Variants in TAMM41 observed in about 807,000 individuals in gnomAD.
TAMM41 encodes phosphatidate cytidylyltransferase, mitochondrial.
A neutral mutation model predicts 44.1 loss-of-function variants in TAMM41; 36 were observed. The observed-to-expected ratio is 0.82, with a 90% CI of 0.63 to 1.08. The LOEUF (loss-of-function observed/expected upper bound fraction) is 1.08. TAMM41 is among the 50% of genes least tolerant of loss of function. The probability of loss-of-function intolerance (pLI) is 0.00; values close to 1 mark genes in which losing one functional copy is unlikely to be tolerated. For missense variants in TAMM41, 417 were observed against 404.3 expected, an observed-to-expected ratio of 1.03 and a Z score of -0.27; for synonymous variants, 164 against 153.1, an observed-to-expected ratio of 1.07 and a Z score of -0.53.
chr3:11,734,583 C>G, the TAMM41 span, among the ~76,000 whole-genome samples: 1 of 152,124 alleles, frequency 6.6e-6, no homozygotes, highest in African/African-American at 2.4e-5. Flanking sequence ...CTCTTACTCA[C>G]TAAATGATAG....
intron 4 of TAMM41, among the ~76,000 whole-genome samples, chr3:11,824,797 G>A (rs762314803): frequency 1.1e-4 from 16 of 152,166 alleles, no homozygotes; most frequent in Non-Finnish European, 1.9e-4. Flanking sequence ...CCTCAGTGGT[G>A]GAACAAAGAC....
intron 4 of TAMM41, among the ~76,000 whole-genome samples, chr3:11,822,548 G>C (rs2078564465): frequency 6.6e-6 from 1 of 152,176 alleles, no homozygotes; most frequent in African/African-American, 2.4e-5. Flanking sequence ...AAAGTACCAG[G>C]AGCTGTGCTA....
chr3:11,781,736 A>AAATAATAATAATAAT, the TAMM41 span, among the ~76,000 whole-genome samples: 13 of 123,076 alleles, frequency 1.1e-4, no homozygotes, highest in South Asian at 3.0e-4. Flanking sequence ...CTCCATCTCA[A>AAATAATAATAATAAT]AATAATAATA....
chr3:11,785,052 T>G, the TAMM41 span, among the ~76,000 whole-genome samples: 1 of 152,124 alleles, frequency 6.6e-6, no homozygotes, highest in East Asian at 1.9e-4. Context: ...TATGGAAATT[T>G]ACATATGATT....
At chr3:11,845,351 C>A (rs1445841805) in intron 1 of TAMM41, among the ~76,000 whole-genome samples, 2 of 152,058 alleles carry the variant, frequency 1.3e-5, no homozygotes, top group African/African-American at 4.8e-5. Flanking sequence ...TGTAAGGAAT[C>A]AAAAGTGAGG....
chr3:11,732,459 C>T, the TAMM41 span, among the ~76,000 whole-genome samples: 33 of 152,146 alleles, frequency 2.2e-4, no homozygotes, highest in Middle Eastern at 3.4e-3. Flanking sequence ...TCCTCTAACA[C>T]GGAGGTGTTG....
At chr3:11,795,327 G>A (rs2077578823) in intron 7 of TAMM41, among the ~76,000 whole-genome samples, 1 of 152,288 alleles carries the variant, frequency 6.6e-6, no homozygotes, top group Non-Finnish European at 1.5e-5. Flanking sequence ...CTCAGGGAAT[G>A]AATGGCTCTA....
chr3:11,831,495 A>G (rs1251688484), intron 3 of TAMM41, among the ~76,000 whole-genome samples: 2 of 152,292 alleles, frequency 1.3e-5, no homozygotes, highest in South Asian at 2.1e-4. Context: ...TATGTCTAAA[A>G]TATATCTACC....
the TAMM41 span, among the ~76,000 whole-genome samples, chr3:11,762,421 T>A: frequency 6.6e-6 from 1 of 152,104 alleles, no homozygotes; most frequent in Admixed American, 6.6e-5. Context: ...AACCTCAGTC[T>A]ACTGACACCA....
At chr3:11,796,826 A>T (rs965097644) in intron 7 of TAMM41, among the ~76,000 whole-genome samples, 14 of 152,318 alleles carry the variant, frequency 9.2e-5, no homozygotes, top group African/African-American at 3.4e-4. Flanking sequence ...AGGATACAAA[A>T]ATCAATGTGC....
chr3:11,758,737 T>G, the TAMM41 span, among the ~76,000 whole-genome samples: 1 of 150,598 alleles, frequency 6.6e-6, no homozygotes, highest in Non-Finnish European at 1.5e-5. Context: ...GCAGTGGTAC[T>G]ATCTCAGCTC....
the TAMM41 span, among the ~76,000 whole-genome samples, chr3:11,785,373 T>G: frequency 1.3e-5 from 2 of 152,120 alleles, no homozygotes; most frequent in Non-Finnish European, 2.9e-5. Flanking sequence ...GTCACCAGGC[T>G]GGAGTGCAGT....
chr3:11,818,957 G>T (rs888761204), intron 4 of TAMM41, among the ~76,000 whole-genome samples: 1 of 151,960 alleles, frequency 6.6e-6, no homozygotes, highest in Non-Finnish European at 1.5e-5. Flanking sequence ...TGTACAGGGG[G>T]TCTGACTGTT....
chr3:11,795,537 G>A (rs2077584803), intron 7 of TAMM41, among the ~76,000 whole-genome samples: 1 of 152,162 alleles, frequency 6.6e-6, no homozygotes, highest in Admixed American at 6.5e-5. Context: ...CCTCGCAATA[G>A]GTTTACTGCC....
At chr3:11,749,901 CT>C in the TAMM41 span, among the ~76,000 whole-genome samples, 78,720 of 135,854 alleles carry the variant, frequency 0.58, 22,275 homozygotes, top group Middle Eastern at 0.66. Flanking sequence ...CTTTTTCTTT[CT>C]TTTTTTTTTT....
At chr3:11,825,021 G>GTGTGAACC (rs1018283381) in intron 4 of TAMM41, among the ~76,000 whole-genome samples, 1 of 152,108 alleles carries the variant, frequency 6.6e-6, no homozygotes, top group African/African-American at 2.4e-5. Context: ...AGTGACCTAA[G>GTGTGAACC]TGTGAACCAG....
At chr3:11,730,990 G>A in the TAMM41 span, among the ~76,000 whole-genome samples, 1 of 152,106 alleles carries the variant, frequency 6.6e-6, no homozygotes, top group South Asian at 2.1e-4. Context: ...ACCTGCTCAA[G>A]CCTCTATTTC....
chr3:11,816,488 G>GT (rs1481327799), intron 5 of TAMM41, among the ~76,000 whole-genome samples: 23 of 152,312 alleles, frequency 1.5e-4, no homozygotes, highest in African/African-American at 5.5e-4. Flanking sequence ...AGCAGGCTGG[G>GT]TGCAGTGGCT....
intron 7 of TAMM41, among the ~76,000 whole-genome samples, chr3:11,800,398 C>G (rs1457440160): frequency 6.6e-6 from 1 of 151,878 alleles, no homozygotes; most frequent in African/African-American, 2.4e-5. Context: ...CATAATCCAC[C>G]TATATGCTAC....
Sources: allele counts gnomAD v4.1 joint callset (sites outside exome capture counted in the v4.1 genomes callset), GRCh38; gene constraint gnomAD v4.1.1; transcripts MANE v1.5; gene names NCBI Gene and HGNC (gene_info 2026-07-23, HGNC 2026-07-21).